Variants in LRIF1 observed in about 807,000 individuals in gnomAD.
The protein encoded by LRIF1 is ligand dependent nuclear receptor interacting factor 1.
LRIF1 carries 32 observed loss-of-function variants against 52.7 expected under a neutral mutation model. The ratio of observed to expected loss-of-function variants is 0.61; its 90% confidence interval spans 0.46 to 0.82. LRIF1 has a LOEUF of 0.82. Ranked by LOEUF, LRIF1 falls within the 40% of genes least tolerant of loss-of-function variation. LRIF1 has a pLI of 0.00. For synonymous variants in LRIF1, 323 were observed against 317.4 expected (o/e 1.02, Z -0.19); for missense variants, 887 against 892.0 (o/e 0.99, Z 0.07).
In LRIF1 at chr1:110,954,476, T is replaced by C. The variant is rs527373807; in HGVS notation, c.69-1661A>G. Among the ~76,000 whole-genome samples, 28 of 152,264 alleles carry C rather than the reference T, an allele frequency of 1.8e-4. No homozygotes were observed. In the South Asian group the frequency reaches 5.8e-3, roughly 32 times the overall value. ...TTGTATTTTTTATAGAGGCAAAGTT[T>C]TGCTATGTTGTCCAGGCTGGTCACA... On this transcript the variant is annotated intron_variant, in intron 1 of 3. Transcript: ENST00000369763.
the LRIF1 span, chr1:110,897,596 C>T: frequency 1.1e-5 from 5 of 444,006 alleles, no homozygotes; most frequent in Non-Finnish European, 2.0e-5. Context: ...ACATTAGTTA[C>T]CACTGTAATG....
the LRIF1 span, among the ~76,000 whole-genome samples, chr1:110,883,270 ATG>A: frequency 2.0e-5 from 3 of 151,972 alleles, no homozygotes; most frequent in Admixed American, 2.0e-4. Context: ...TCAAAAATAG[ATG>A]TTGAATTTTG....
the LRIF1 span, among the ~76,000 whole-genome samples, chr1:110,917,689 G>T: frequency 1.4e-5 from 2 of 145,514 alleles, no homozygotes; most frequent in African/African-American, 2.6e-5. Context: ...AAAAATAGCT[G>T]TAGTAAACAG....
chr1:110,923,309 A>C, the LRIF1 span, among the ~76,000 whole-genome samples: 1 of 152,110 alleles, frequency 6.6e-6, no homozygotes, highest in Non-Finnish European at 1.5e-5. Flanking sequence ...CAAAAACAAC[A>C]ACAACAAAAC....
downstream of LRIF1, chr1:110,945,062 A>G (rs1309261552): frequency 6.6e-6 from 1 of 152,166 alleles, no homozygotes; most frequent in African/African-American, 2.4e-5. Flanking sequence ...ACACCTGGCT[A>G]AATTTTTGGC....
chr1:110,886,831 C>A, the LRIF1 span, among the ~76,000 whole-genome samples: 2 of 142,330 alleles, frequency 1.4e-5, no homozygotes, highest in Non-Finnish European at 3.0e-5. Context: ...GGCAACAGAG[C>A]GAGACTCTGT....
the LRIF1 span, among the ~76,000 whole-genome samples, chr1:110,888,058 A>G: frequency 2.0e-5 from 3 of 152,216 alleles, 1 homozygote; most frequent in Admixed American, 2.0e-4. Flanking sequence ...AAGAAGTTGC[A>G]CGATGCAAGA....
the LRIF1 span, among the ~76,000 whole-genome samples, chr1:110,891,720 C>T: frequency 6.6e-6 from 1 of 152,182 alleles, no homozygotes; most frequent in Non-Finnish European, 1.5e-5. Context: ...CTTTAGTTTA[C>T]TACTACTCGT....
chr1:110,901,537 C>A, the LRIF1 span, among the ~76,000 whole-genome samples: 1 of 135,618 alleles, frequency 7.4e-6, no homozygotes, highest in South Asian at 2.5e-4. Context: ...AGTGCAGAGG[C>A]CTGATCTTGG....
chr1:110,896,174 G>T, the LRIF1 span, among the ~76,000 whole-genome samples: 3 of 152,214 alleles, frequency 2.0e-5, no homozygotes, highest in African/African-American at 7.2e-5. Flanking sequence ...CAGGCTAGTT[G>T]CTTCCTCGAG....
chr1:110,935,954 G>GA, the LRIF1 span, among the ~76,000 whole-genome samples: 56 of 146,664 alleles, frequency 3.8e-4, no homozygotes, highest in African/African-American at 9.5e-4. Context: ...AGCAGCAAGA[G>GA]AAAAAAAAAA....
the LRIF1 span, chr1:110,895,080 A>G: frequency 6.6e-7 from 1 of 1,513,964 alleles, no homozygotes; most frequent in Non-Finnish European, 9.2e-7. Context: ...AATCCTCTTC[A>G]GATCAGCCCA....
chr1:110,930,632 A>T, the LRIF1 span, among the ~76,000 whole-genome samples: 1 of 152,152 alleles, frequency 6.6e-6, no homozygotes, highest in African/African-American at 2.4e-5. Context: ...ACTTTCATAG[A>T]GGCATCATCT....
At chr1:110,880,869 G>A in the LRIF1 span, among the ~76,000 whole-genome samples, 12 of 152,064 alleles carry the variant, frequency 7.9e-5, no homozygotes, top group Non-Finnish European at 1.8e-4. Flanking sequence ...GTGAGGGTTG[G>A]GTGTGAAGAC....
chr1:110,939,320 G>A, the LRIF1 span: 5 of 146,360 alleles, frequency 3.4e-5, no homozygotes, highest in African/African-American at 1.0e-4. Context: ...GGAGCTTGCA[G>A]TGAGCCGAGA....
the LRIF1 span, among the ~76,000 whole-genome samples, chr1:110,917,634 G>T: frequency 7.8e-3 from 729 of 93,060 alleles, 10 homozygotes; most frequent in Admixed American, 0.064. Flanking sequence ...TATTTTTTTT[G>T]TTTTTTTGTT....
chr1:110,896,640 G>A, the LRIF1 span: 1 of 1,610,776 alleles, frequency 6.2e-7, no homozygotes, highest in East Asian at 2.2e-5. Flanking sequence ...CATTTTGGGG[G>A]TTTGGCTTTT....
At chr1:110,875,201 T>C in the LRIF1 span, among the ~76,000 whole-genome samples, 1 of 152,134 alleles carries the variant, frequency 6.6e-6, no homozygotes. Context: ...TCCAGGCATG[T>C]TAGAAATGAG....
chr1:110,947,284 A>ACCCCCC lies in LRIF1; in HGVS notation c.*674_*675insGGGGGG, dbSNP rs1658239257. 1 of 152,206 alleles carries ACCCCCC rather than the reference A, an allele frequency of 6.6e-6. No individual in the cohort carries two copies. The highest frequency in any genetic ancestry group is 1.9e-4 in the East Asian group (1 of 5,200). 9.4% of individuals were successfully genotyped at this position (152,206 alleles called of 1,614,324 possible). The stretch of plus-strand genomic sequence containing the variant: ...TAACGTATGTACATAGTCCCAAAAA[A>ACCCCCC]AAAAAAAGCAGCATTTGCCTGGGAA... On this transcript the variant is annotated 3_prime_UTR_variant, in exon 4 of 4. Transcript: ENST00000369763.
Sources: gnomAD v4.1 joint callset for allele counts (sites outside exome capture counted in the v4.1 genomes callset) on GRCh38, gnomAD v4.1.1 for gene constraint, MANE v1.5 for transcripts, NCBI Gene and HGNC (gene_info 2026-07-23, HGNC 2026-07-21) for gene names.